Variants in ADARB2 observed in about 807,000 individuals in gnomAD.
ADARB2 encodes adenosine deaminase RNA specific B2 (inactive).
Under a neutral mutation model 62.2 loss-of-function variants are expected in ADARB2, and 25 were observed. The ratio of observed to expected loss-of-function variants is 0.40; its 90% CI spans 0.29 to 0.56. ADARB2 has a LOEUF of 0.56. Ranked by LOEUF, ADARB2 falls within the 20% of genes least tolerant of loss-of-function variation. ADARB2 has a pLI of 0.43. For synonymous variants in ADARB2, 572 were observed against 500.8 expected (o/e 1.14, Z -1.90); for missense variants, 1,071 against 1,077.4 (o/e 0.99, Z 0.08).
At chr10:1,705,246 T>C (rs1157324757) in intron 1 of ADARB2, among the ~76,000 whole-genome samples, 1 of 152,202 alleles carries the variant, frequency 6.6e-6, no homozygotes, top group Non-Finnish European at 1.5e-5. Flanking sequence ...GCGGCTGTGC[T>C]TGGCAGGGTT....
intron 1 of ADARB2, among the ~76,000 whole-genome samples, chr10:1,608,005 C>A (rs987299869): frequency 6.6e-6 from 1 of 152,264 alleles, no homozygotes; most frequent in African/African-American, 2.4e-5. Flanking sequence ...AGCCCTGTCC[C>A]ATGGGGGGCC....
rs1834866650 is a variant in ADARB2, at chr10:1,704,739, G to A, written c.100+32312C>T. Among the ~76,000 whole-genome samples the A allele has an allele frequency of 1.3e-5, 2 of 152,322 alleles. No individual in the cohort carries two copies. The highest frequency in any genetic ancestry group is 4.1e-4 in the South Asian group (2 of 4,830). On this transcript the variant is annotated intron_variant, in intron 1 of 9. Coordinates refer to ENST00000381312, the MANE Select transcript of ADARB2 (RefSeq NM_018702.4). The surrounding 1 kb of genome is among the most constrained non-coding windows in gnomAD (Gnocchi z 5.6). ...TGATATTATTACAAAGAATAAATCT[G>A]ATAGGGTCTCAGAGAGCCTGGAAGC...
At chr10:1,474,426 T>C (rs991611754) in intron 1 of ADARB2, among the ~76,000 whole-genome samples, 1 of 152,074 alleles carries the variant, frequency 6.6e-6, no homozygotes, top group East Asian at 1.9e-4. Context: ...GGTCAGTGGG[T>C]CTTCAGAAAG....
At chr10:1,527,900 C>T (rs939217387) in intron 1 of ADARB2, among the ~76,000 whole-genome samples, 1 of 152,208 alleles carries the variant, frequency 6.6e-6, no homozygotes, top group African/African-American at 2.4e-5. Context: ...ATAAATTTAT[C>T]ATTCTGGATG....
At chr10:1,247,465 T>A (rs1175443724) in intron 4 of ADARB2, among the ~76,000 whole-genome samples, 1 of 152,102 alleles carries the variant, frequency 6.6e-6, no homozygotes, top group African/African-American at 2.4e-5. Flanking sequence ...TGGCTGTGGG[T>A]TTGTCATAGA....
rs561499575 is a variant in ADARB2, at chr10:1,636,934, C to A, written c.100+100117G>T. On this transcript the variant is annotated intron_variant, in intron 1 of 9. Transcript: ENST00000381312. Reference sequence around the variant, plus strand: ...TGTAGAATATATATAATATCTCTCTCTATATATAAAATTTCCAACCAACAC... The same window carrying A: ...TGTAGAATATATATAATATCTCTCTATATATATAAAATTTCCAACCAACAC... Among the ~76,000 whole-genome samples, 165 of 150,072 alleles carry A rather than the reference C, an allele frequency of 1.1e-3. 1 individual carries two copies. The highest frequency in any genetic ancestry group is 3.1e-3 in the African/African-American group (127 of 41,084).
chr10:1,485,298 G>T (rs544210533), intron 1 of ADARB2, among the ~76,000 whole-genome samples: 1 of 152,030 alleles, frequency 6.6e-6, no homozygotes, highest in Non-Finnish European at 1.5e-5. Context: ...ACCTATGTAG[G>T]TATGCAGGTA....
chr10:1,200,310 G>A, intron 7 of ADARB2, 163 bp from the exon 8 acceptor site: 1 of 846,278 alleles, frequency 1.2e-6, no homozygotes, highest in Non-Finnish European at 2.0e-6. Flanking sequence ...AGCCATCACT[G>A]GGGCTCTGGG....
intron 1 of ADARB2, among the ~76,000 whole-genome samples, chr10:1,391,520 G>A (rs775950317): frequency 6.6e-6 from 1 of 152,136 alleles, no homozygotes. Context: ...GTTTACCCAC[G>A]ATGATTTGAG....
intron 3 of ADARB2, among the ~76,000 whole-genome samples, chr10:1,274,035 G>A (rs1328840154): frequency 6.6e-6 from 1 of 152,236 alleles, no homozygotes; most frequent in Non-Finnish European, 1.5e-5. Flanking sequence ...GCTTCCCACT[G>A]GGAAGAGGGT....
intron 3 of ADARB2, among the ~76,000 whole-genome samples, chr10:1,352,530 C>G (rs58536129): frequency 0.11 from 16,608 of 152,166 alleles, 1,041 homozygotes; most frequent in East Asian, 0.26. Context: ...CGTCCTGTAG[C>G]CTTTCTGTCC....
At chr10:1,581,502 T>A (rs1833098498) in intron 1 of ADARB2, among the ~76,000 whole-genome samples, 1 of 152,224 alleles carries the variant, frequency 6.6e-6, no homozygotes, top group African/African-American at 2.4e-5. Context: ...CTCTACTCCT[T>A]GTTAGCTGCC....
chr10:1,665,492 G>A (rs1233600138), intron 1 of ADARB2, among the ~76,000 whole-genome samples: 1 of 152,208 alleles, frequency 6.6e-6, no homozygotes. Flanking sequence ...TTCTGCATGC[G>A]GGGCACCCGA....
intron 3 of ADARB2, among the ~76,000 whole-genome samples, chr10:1,319,519 T>C (rs1285531488): frequency 2.0e-5 from 3 of 152,212 alleles, no homozygotes; most frequent in South Asian, 2.1e-4. Flanking sequence ...ATTCAGATAA[T>C]AGCTATGGAT....
chr10:1,567,577 G>A (rs1261284755), intron 1 of ADARB2, among the ~76,000 whole-genome samples: 2 of 152,184 alleles, frequency 1.3e-5, no homozygotes, highest in Non-Finnish European at 2.9e-5. Context: ...CCTGCCAGGG[G>A]ACTTCATGCC....
At position 1,257,099 on chromosome 10, in the gene ADARB2, G is replaced by A. The variant is rs139489543; in HGVS notation, c.1192+13856C>T. 2.3e-3 allele frequency among the ~76,000 whole-genome samples: 343 copies of A among 152,336 alleles called. 1 individual carries two copies. The highest frequency in any genetic ancestry group is 7.8e-3 in the African/African-American group (323 of 41,570). On this transcript the variant is annotated intron_variant, in intron 4 of 9. Coordinates refer to ENST00000381312, the MANE Select transcript of ADARB2 (RefSeq NM_018702.4). ...ATCATATTTGAATCAGCTCAGAGGCGAGCTGTGTTCAGGCCCTGTGAGCTC... is the reference window on the plus strand; with the variant it reads ...ATCATATTTGAATCAGCTCAGAGGCAAGCTGTGTTCAGGCCCTGTGAGCTC...
At chr10:1,488,672 C>A (rs979309310) in intron 1 of ADARB2, among the ~76,000 whole-genome samples, 1 of 152,188 alleles carries the variant, frequency 6.6e-6, no homozygotes, top group African/African-American at 2.4e-5. Context: ...TTGGCGAATG[C>A]ACGTCCGCTC....
chr10:1,387,345 T>G (rs975502736), intron 1 of ADARB2, among the ~76,000 whole-genome samples: 21 of 151,954 alleles, frequency 1.4e-4, no homozygotes, highest in Non-Finnish European at 2.9e-5. Context: ...TGAATAGGTT[T>G]GATAAATCTC....
intron 1 of ADARB2, among the ~76,000 whole-genome samples, chr10:1,648,511 G>T (rs1417630179): frequency 1.3e-5 from 2 of 152,140 alleles, no homozygotes; most frequent in Admixed American, 1.3e-4. Context: ...AGTAAATCAC[G>T]TTGTGCTTGG....
Sources: gnomAD v4.1 joint callset for allele counts (sites outside exome capture counted in the v4.1 genomes callset) on GRCh38, gnomAD v4.1.1 for gene constraint, Gnocchi (gnomAD v3.1) non-coding constraint, MANE v1.5 for transcripts, NCBI Gene and HGNC (gene_info 2026-07-23, HGNC 2026-07-21) for gene names.